Variants in SCN11A observed in about 807,000 individuals in gnomAD.
SCN11A encodes sodium voltage-gated channel alpha subunit 11.
A neutral mutation model predicts 162.2 loss-of-function variants in SCN11A; 122 were observed. The ratio of observed to expected loss-of-function variants is 0.75; its 90% CI spans 0.65 to 0.87. The LOEUF (loss-of-function observed/expected upper bound fraction) is 0.87, where lower values mean the gene tolerates loss of function less well. SCN11A is among the 40% of genes least tolerant of loss of function. SCN11A has a pLI of 0.00. For synonymous variants in SCN11A, 758 were observed against 751.5 expected (o/e 1.01, Z -0.14); for missense variants, 2,015 against 2,181.6 (o/e 0.92, Z 1.52).
intron 29 of SCN11A, chr3:38,849,386 C>T (rs770219561): frequency 1.4e-5 from 2 of 144,846 alleles, no homozygotes; most frequent in Non-Finnish European, 3.0e-5. Flanking sequence ...TAAGCTTTAT[C>T]TACATTAACA....
At chr3:39,016,059 G>A (rs1453929117) in intron 2 of SCN11A, among the ~76,000 whole-genome samples, 1 of 152,202 alleles carries the variant, frequency 6.6e-6, no homozygotes, top group Non-Finnish European at 1.5e-5. Context: ...GCTATCAGGA[G>A]AAACTGATAA....
chr3:39,016,222 G>A (rs918247415), intron 2 of SCN11A, among the ~76,000 whole-genome samples: 2 of 152,190 alleles, frequency 1.3e-5, no homozygotes, highest in Admixed American at 1.3e-4. Flanking sequence ...AGGGGCTTTA[G>A]TACCCCCATT....
intron 2 of SCN11A, among the ~76,000 whole-genome samples, chr3:38,987,006 T>G (rs1002281076): frequency 6.6e-6 from 1 of 152,062 alleles, no homozygotes; most frequent in African/African-American, 2.4e-5. Context: ...GCAAGACCAG[T>G]AGAGACACAT....
At chr3:38,928,855 A>T (rs2125556240) in intron 7 of SCN11A, among the ~76,000 whole-genome samples, 1 of 152,284 alleles carries the variant, frequency 6.6e-6, no homozygotes, top group Non-Finnish European at 1.5e-5. Context: ...AAATGGTGCA[A>T]TCCCTATGGA....
At chr3:38,918,250 C>T (rs939258328) in intron 11 of SCN11A, among the ~76,000 whole-genome samples, 11 of 152,110 alleles carry the variant, frequency 7.2e-5, no homozygotes, top group Non-Finnish European at 1.6e-4. Flanking sequence ...GTGCTATATG[C>T]AGCAGCTGTC....
At chr3:38,904,171 G>A in intron 15 of SCN11A, 68 bp from the exon 16 acceptor site, 1 of 983,474 alleles carries the variant, frequency 1.0e-6, no homozygotes, top group Non-Finnish European at 1.5e-6. Flanking sequence ...TTGCCTGAGT[G>A]CATTCCTTCC....
At chr3:39,007,690 T>G (rs1196771068) in intron 2 of SCN11A, among the ~76,000 whole-genome samples, 4 of 152,266 alleles carry the variant, frequency 2.6e-5, no homozygotes, top group Non-Finnish European at 5.9e-5. Flanking sequence ...AAGGAGCTCC[T>G]GCACGCAGGA....
intron 1 of SCN11A, among the ~76,000 whole-genome samples, chr3:39,047,637 G>A (rs2032215725): frequency 6.6e-6 from 1 of 151,756 alleles, no homozygotes; most frequent in Admixed American, 6.6e-5. Context: ...ATCCAACAAG[G>A]AATTAATATC....
rs532942840 is a variant in SCN11A, at chr3:38,887,492, C to T, written c.2836-1254G>A. 8.0e-5 allele frequency among the ~76,000 whole-genome samples: 12 copies of T among 149,614 alleles called. No homozygotes were observed. The South Asian group carries it at 1.9e-3, about 24-fold the overall frequency. ...AGGAGATATACCTAATGCTAAATGA[C>T]GAGTTAATGCGTGCAGCACACCAAC... On this transcript the variant is annotated intron_variant, in intron 19 of 29. Transcript: ENST00000302328.
chr3:38,927,713 A>G (rs78977338), intron 7 of SCN11A, among the ~76,000 whole-genome samples: 1,925 of 152,312 alleles, frequency 0.013, 39 homozygotes, highest in African/African-American at 0.043. Flanking sequence ...GGCAGCAGGA[A>G]GGAGAAGAAT....
At chr3:38,858,189 G>C (rs973405947) in intron 28 of SCN11A, among the ~76,000 whole-genome samples, 2 of 152,096 alleles carry the variant, frequency 1.3e-5, no homozygotes, top group East Asian at 1.9e-4. Flanking sequence ...TACTAACGTA[G>C]AATGTAAATG....
intron 12 of SCN11A, among the ~76,000 whole-genome samples, chr3:38,909,453 C>T (rs1372993526): frequency 1.3e-5 from 2 of 152,080 alleles, no homozygotes; most frequent in Admixed American, 6.5e-5. Context: ...AGAGTATCTG[C>T]ATTTTTAAAA....
At chr3:39,008,739 T>C (rs1419973416) in intron 2 of SCN11A, among the ~76,000 whole-genome samples, 8 of 151,406 alleles carry the variant, frequency 5.3e-5, no homozygotes, top group Non-Finnish European at 1.2e-4. Flanking sequence ...AATACAAGGG[T>C]GGGTGTAGTG....
intron 2 of SCN11A, among the ~76,000 whole-genome samples, chr3:39,006,867 C>G (rs1445102832): frequency 6.6e-6 from 1 of 151,094 alleles, no homozygotes; most frequent in Non-Finnish European, 1.5e-5. Flanking sequence ...TTTAATGTCA[C>G]TAAAAGAAAA....
chr3:38,973,718 A>G (rs369154803), intron 2 of SCN11A, among the ~76,000 whole-genome samples: 16 of 152,204 alleles, frequency 1.1e-4, no homozygotes, highest in African/African-American at 3.6e-4. Context: ...AGCAGCTTTG[A>G]CCTGAAGGAT....
intron 20 of SCN11A, 85 bp downstream of exon 20, chr3:38,886,040 T>C: frequency 2.3e-6 from 2 of 862,338 alleles, no homozygotes; most frequent in Admixed American, 2.1e-5. Context: ...TCTGCATTAA[T>C]TGTGCCATTT....
rs192935358 is a variant in SCN11A, at chr3:39,049,552, A to T, written c.-404+2309T>A. 1.6e-3 allele frequency among the ~76,000 whole-genome samples: 249 copies of T among 152,332 alleles called. 1 individual carries two copies. The highest frequency in any genetic ancestry group is 3.0e-3 in the Non-Finnish European group (203 of 68,026). On this transcript the variant is annotated intron_variant, in intron 1 of 29. Coordinates refer to ENST00000302328, the MANE Select transcript of SCN11A (RefSeq NM_001349253.2). ...TGACCAATGGAATAGACTTGCCTACATGTGACTGGCTGACCCTCCCAGAGC... is the reference window on the plus strand; with the variant it reads ...TGACCAATGGAATAGACTTGCCTACTTGTGACTGGCTGACCCTCCCAGAGC...
chr3:38,995,736 G>A (rs975683830), intron 2 of SCN11A, among the ~76,000 whole-genome samples: 8 of 151,982 alleles, frequency 5.3e-5, no homozygotes, highest in African/African-American at 1.9e-4. Flanking sequence ...CCAGCCTGCA[G>A]ATGGCTGAAT....
At chr3:39,026,910 G>C (rs1292736898) in intron 2 of SCN11A, among the ~76,000 whole-genome samples, 4 of 152,186 alleles carry the variant, frequency 2.6e-5, no homozygotes, top group Admixed American at 1.3e-4. Flanking sequence ...AGAGCCCATG[G>C]TCTGGGTCTT....
Sources: allele counts gnomAD v4.1 joint callset (sites outside exome capture counted in the v4.1 genomes callset), GRCh38; gene constraint gnomAD v4.1.1; transcripts MANE v1.5; gene names NCBI Gene and HGNC (gene_info 2026-07-23, HGNC 2026-07-21).